AKAP13: variants seen among roughly 807,000 people sequenced by gnomAD.
The protein encoded by AKAP13 is A-kinase anchoring protein 13.
AKAP13 carries 80 observed loss-of-function variants against 264.5 expected under a neutral mutation model. The observed-to-expected ratio is 0.30, with a 90% confidence interval of 0.25 to 0.36. The LOEUF is 0.36. Among genes scored for constraint, AKAP13 ranks in the 10% least tolerant of loss-of-function variants. AKAP13 has a pLI of 1.00. For missense variants in AKAP13, 3,712 were observed against 3,435.2 expected (o/e 1.08, Z -2.01); for synonymous variants, 1,380 against 1,250.2 (o/e 1.10, Z -2.19).
intron 12 of AKAP13, among the ~76,000 whole-genome samples, chr15:85,658,917 G>A (rs939287248): frequency 2.0e-5 from 3 of 152,170 alleles, no homozygotes; most frequent in African/African-American, 4.8e-5. Context: ...TGTCTATGTC[G>A]TGCCTATTTA....
At chr15:85,703,521 T>C (rs932207888) in intron 17 of AKAP13, among the ~76,000 whole-genome samples, 2 of 152,182 alleles carry the variant, frequency 1.3e-5, no homozygotes, top group African/African-American at 4.8e-5. Context: ...TTAGTCCAGA[T>C]AGGGCGATGT....
At chr15:85,494,735 T>C (rs975388522) in intron 2 of AKAP13, among the ~76,000 whole-genome samples, 1 of 152,194 alleles carries the variant, frequency 6.6e-6, no homozygotes, top group African/African-American at 2.4e-5. Flanking sequence ...TCTGAACAGG[T>C]AGCAGAATCT....
At chr15:85,622,114 C>T (rs182732307) in intron 8 of AKAP13, among the ~76,000 whole-genome samples, 22 of 152,160 alleles carry the variant, frequency 1.4e-4, no homozygotes, top group Admixed American at 7.8e-4. Context: ...CTATCCCATG[C>T]GAGCCACGGG....
chr15:85,564,236 T>C (rs1251644430), intron 5 of AKAP13, among the ~76,000 whole-genome samples: 1 of 152,206 alleles, frequency 6.6e-6, no homozygotes, highest in East Asian at 1.9e-4. Flanking sequence ...CTTTGTATTT[T>C]GAAAAATTTT....
At chr15:85,539,252 G>A (rs2077505941) in intron 4 of AKAP13, among the ~76,000 whole-genome samples, 1 of 152,102 alleles carries the variant, frequency 6.6e-6, no homozygotes, top group South Asian at 2.1e-4. Flanking sequence ...CCCAAGACTA[G>A]TAGTGGTAGG....
chr15:85,467,312 GA>G (rs2074780687), intron 1 of AKAP13, among the ~76,000 whole-genome samples: 1 of 151,996 alleles, frequency 6.6e-6, no homozygotes, highest in African/African-American at 2.4e-5. Context: ...ATAAATGTTT[GA>G]GTGATTGTGA....
At chr15:85,639,871 G>C (rs1441501429) in intron 9 of AKAP13, among the ~76,000 whole-genome samples, 2 of 152,126 alleles carry the variant, frequency 1.3e-5, no homozygotes, top group African/African-American at 4.8e-5. Context: ...ATTGGGTGGG[G>C]TGTGGCCTAG....
chr15:85,586,404 G>A (rs2079349834), intron 8 of AKAP13, among the ~76,000 whole-genome samples: 1 of 151,878 alleles, frequency 6.6e-6, no homozygotes, highest in African/African-American at 2.4e-5. Flanking sequence ...ATGGGGTTTT[G>A]CCATGTTGGC....
At chr15:85,465,642 G>T (rs1366479108) in intron 1 of AKAP13, among the ~76,000 whole-genome samples, 2 of 151,128 alleles carry the variant, frequency 1.3e-5, no homozygotes, top group Non-Finnish European at 2.9e-5. Flanking sequence ...TGAGAATGAT[G>T]ATTTCCAATT....
chr15:85,477,273 T>C (rs1468134186), intron 1 of AKAP13, among the ~76,000 whole-genome samples: 1 of 151,832 alleles, frequency 6.6e-6, no homozygotes, highest in Non-Finnish European at 1.5e-5. Flanking sequence ...GATAAGGCCC[T>C]GGTGCTCAAG....
chr15:85,401,745 G>C (rs2071428475), intron 1 of AKAP13, among the ~76,000 whole-genome samples: 1 of 152,142 alleles, frequency 6.6e-6, no homozygotes, highest in Non-Finnish European at 1.5e-5. Context: ...TCCTGTCTTA[G>C]GGATCTGGGA....
chr15:85,404,685 G>A (rs1174013653), intron 1 of AKAP13, among the ~76,000 whole-genome samples: 7 of 152,166 alleles, frequency 4.6e-5, no homozygotes, highest in Non-Finnish European at 1.5e-5. Flanking sequence ...TGGTTGTAAA[G>A]TTGTACTTGT....
chr15:85,741,782 A>T (rs1238546742), intron 35 of AKAP13, among the ~76,000 whole-genome samples: 1 of 151,688 alleles, frequency 6.6e-6, no homozygotes, highest in African/African-American at 2.4e-5. Context: ...AATGGCTCAC[A>T]CCTATAAATC....
At chr15:85,553,375 A>T (rs928743632) in intron 5 of AKAP13, among the ~76,000 whole-genome samples, 1 of 152,212 alleles carries the variant, frequency 6.6e-6, no homozygotes, top group Admixed American at 6.5e-5. Flanking sequence ...GGCATGAGCC[A>T]CCGTGCCTGG....
Position 85,646,402 on chromosome 15 carries a change from G to A in AKAP13, c.4374+448G>A, listed in dbSNP as rs549204527. ...AGTTCGCGCCACTAAACTCTAGCCT[G>A]GGTGGCAGAGCGAGACTCTGTCTCC... On this transcript the variant is annotated intron_variant, in intron 10 of 36. Transcript: ENST00000394518. Among the ~76,000 whole-genome samples the A allele has an allele frequency of 1.3e-5, 2 of 152,274 alleles. 1 individual carries two copies. Among genetic ancestry groups the A allele is most frequent in the East Asian group, 3.9e-4 (2 of 5,188 alleles).
intron 5 of AKAP13, among the ~76,000 whole-genome samples, chr15:85,564,769 A>G (rs748421517): frequency 6.6e-6 from 1 of 152,076 alleles, no homozygotes; most frequent in Non-Finnish European, 1.5e-5. Flanking sequence ...GAATATTTGT[A>G]CTCTTCTGCC....
chr15:85,729,656 G>C (rs922222026), intron 29 of AKAP13, among the ~76,000 whole-genome samples: 33 of 152,168 alleles, frequency 2.2e-4, no homozygotes, highest in African/African-American at 8.0e-4. Context: ...GACAGCTCAG[G>C]CCAGGTGCGG....
chr15:85,673,666 C>CTTTTTTTTT lies in AKAP13; in HGVS notation c.5101+3854_5101+3862dup, dbSNP rs386383664. On this transcript the variant is annotated intron_variant, in intron 14 of 36. Transcript: ENST00000394518. ...TTACAGATGATCCCTTTCTTTCTTT[C>CTTTTTTTTT]TTTTTTTTTTTTTTTTTTTTTTTTT... Among the ~76,000 whole-genome samples the CTTTTTTTTT allele has an allele frequency of 3.4e-3, 262 of 77,554 alleles. 21 individuals carry two copies. Among genetic ancestry groups the CTTTTTTTTT allele is most frequent in the African/African-American group, 0.013 (231 of 17,844 alleles). 50.9% of individuals were successfully genotyped at this position (77,554 alleles called of 152,430 possible). A position where few individuals can be genotyped will look rare whatever the true frequency, so the allele number is the denominator to read the frequency against.
At chr15:85,694,221 C>T (rs1329862187) in intron 17 of AKAP13, among the ~76,000 whole-genome samples, 7 of 152,232 alleles carry the variant, frequency 4.6e-5, no homozygotes, top group African/African-American at 9.6e-5. Context: ...AGAGCACCTC[C>T]GTGCTCAGGG....
Sources: allele counts gnomAD v4.1 joint callset (sites outside exome capture counted in the v4.1 genomes callset), GRCh38; gene constraint gnomAD v4.1.1; transcripts MANE v1.5; gene names NCBI Gene and HGNC (gene_info 2026-07-23, HGNC 2026-07-21).